Variants in PITPNC1 observed in about 807,000 individuals in gnomAD.
PITPNC1 encodes the protein phosphatidylinositol transfer protein cytoplasmic 1, also known as cytoplasmic phosphatidylinositol transfer protein 1.
PITPNC1 carries 18 observed loss-of-function variants against 44.7 expected under a neutral mutation model. The observed-to-expected ratio is 0.40, with a 90% CI of 0.28 to 0.60. PITPNC1 has a LOEUF of 0.60. Among genes scored for constraint, PITPNC1 ranks in the 20% least tolerant of loss-of-function variants. The pLI is 0.39. For missense variants in PITPNC1, 290 were observed against 418.4 expected (o/e 0.69, Z 2.68); for synonymous variants, 141 against 149.6 (o/e 0.94, Z 0.42).
At chr17:67,423,045 T>C (rs997813246) in intron 1 of PITPNC1, among the ~76,000 whole-genome samples, 1 of 152,106 alleles carries the variant, frequency 6.6e-6, no homozygotes, top group African/African-American at 2.4e-5. Flanking sequence ...TGTGTTTTAA[T>C]TGCATTACGG....
intron 8 of PITPNC1, among the ~76,000 whole-genome samples, chr17:67,691,462 C>A (rs2042925934): frequency 1.3e-5 from 2 of 152,040 alleles, no homozygotes; most frequent in African/African-American, 4.8e-5. Flanking sequence ...TAAATAGAAT[C>A]CTCACTATTA....
At chr17:67,397,570 A>G (rs2038238460) in intron 1 of PITPNC1, among the ~76,000 whole-genome samples, 1 of 152,270 alleles carries the variant, frequency 6.6e-6, no homozygotes, top group African/African-American at 2.4e-5. Flanking sequence ...GCTGGAGTCC[A>G]GGCTTATGTT....
At chr17:67,440,550 G>A (rs902505979) in intron 1 of PITPNC1, among the ~76,000 whole-genome samples, 2 of 144,088 alleles carry the variant, frequency 1.4e-5, no homozygotes, top group Non-Finnish European at 3.0e-5. Context: ...TTATTTATTT[G>A]AGACAGGGTC....
At chr17:67,434,273 C>G (rs559792856) in intron 1 of PITPNC1, among the ~76,000 whole-genome samples, 1 of 152,290 alleles carries the variant, frequency 6.6e-6, no homozygotes, top group African/African-American at 2.4e-5. Flanking sequence ...CACAAGATTA[C>G]CAGAAACTAC....
At chr17:67,476,445 C>T (rs2039630756) in intron 1 of PITPNC1, among the ~76,000 whole-genome samples, 1 of 151,920 alleles carries the variant, frequency 6.6e-6, no homozygotes, top group Admixed American at 6.6e-5. Flanking sequence ...CCTTGGCCTC[C>T]CAAAGTGCTG....
chr17:67,574,792 A>T lies in PITPNC1; in HGVS notation c.295-3394A>T, dbSNP rs138406732. ...ACGAGTCATCAGACATCCCAAGGGGATTATCAGCCCCAACCACCTGCCGAA... is the reference window on the plus strand; with the variant it reads ...ACGAGTCATCAGACATCCCAAGGGGTTTATCAGCCCCAACCACCTGCCGAA... On this transcript the variant is annotated intron_variant, in intron 4 of 8. Coordinates refer to ENST00000581322, the MANE Select transcript of PITPNC1 (RefSeq NM_012417.4). 2.4e-3 allele frequency among the ~76,000 whole-genome samples: 359 copies of T among 152,068 alleles called. 2 individuals are homozygous for T. Among genetic ancestry groups the T allele is most frequent in the African/African-American group, 8.4e-3 (349 of 41,446 alleles).
chr17:67,421,727 T>C (rs866223784), intron 1 of PITPNC1, among the ~76,000 whole-genome samples: 1 of 152,224 alleles, frequency 6.6e-6, no homozygotes, highest in Admixed American at 6.5e-5. Context: ...CTCATTCTTG[T>C]GTGGTCATAG....
chr17:67,465,542 C>A (rs959597497), intron 1 of PITPNC1, among the ~76,000 whole-genome samples: 3 of 152,128 alleles, frequency 2.0e-5, no homozygotes, highest in Admixed American at 6.5e-5. Flanking sequence ...CAGGAACTAG[C>A]AAAATCAGCT....
intron 1 of PITPNC1, among the ~76,000 whole-genome samples, chr17:67,407,648 C>T (rs942902624): frequency 2.0e-5 from 3 of 151,854 alleles, no homozygotes; most frequent in African/African-American, 7.3e-5. Context: ...ACTAAAAATA[C>T]AAGATTAGCT....
At chr17:67,586,657 C>T (rs1167161380) in intron 5 of PITPNC1, among the ~76,000 whole-genome samples, 1 of 152,106 alleles carries the variant, frequency 6.6e-6, no homozygotes, top group Non-Finnish European at 1.5e-5. Flanking sequence ...CAAATACCCT[C>T]TACCCAGTTT....
chr17:67,660,862 C>CTTTT (rs141244732), intron 6 of PITPNC1, among the ~76,000 whole-genome samples: 1 of 111,838 alleles, frequency 8.9e-6, no homozygotes, highest in Non-Finnish European at 1.9e-5. Flanking sequence ...ATCACATTCT[C>CTTTT]TTTTTTTTTT....
intron 1 of PITPNC1, among the ~76,000 whole-genome samples, chr17:67,451,178 C>G (rs1240721497): frequency 6.6e-6 from 1 of 151,912 alleles, no homozygotes; most frequent in East Asian, 1.9e-4. Context: ...ACTACACGCG[C>G]GCGCCATCAC....
At chr17:67,390,628 G>C (rs1174349078) in intron 1 of PITPNC1, among the ~76,000 whole-genome samples, 1 of 152,182 alleles carries the variant, frequency 6.6e-6, no homozygotes, top group Non-Finnish European at 1.5e-5. Context: ...TATTCTAAGG[G>C]TGGCTAACTG....
At position 67,527,922 on chromosome 17, in the gene PITPNC1, G is replaced by A. The variant is rs149521278; in HGVS notation, c.49-4880G>A. ...GGGCTGAGGCAGGAGGATTGCTTGA[G>A]CCCAGGAAGTCGAGGCTGAGGTGAG... is the stretch of plus-strand genomic sequence containing the variant. On this transcript the variant is annotated intron_variant, in intron 1 of 8. Coordinates refer to ENST00000581322, the MANE Select transcript of PITPNC1 (RefSeq NM_012417.4). Among the ~76,000 whole-genome samples, 1,195 of 152,284 alleles carry A rather than the reference G, an allele frequency of 7.8e-3. 13 individuals are homozygous for A. The highest frequency in any genetic ancestry group is 0.027 in the African/African-American group (1,119 of 41,574).
chr17:67,476,471 C>T (rs974864985), intron 1 of PITPNC1, among the ~76,000 whole-genome samples: 1 of 151,832 alleles, frequency 6.6e-6, no homozygotes, highest in African/African-American at 2.4e-5. Context: ...AAGGTGTTAC[C>T]CACCACGCCC....
chr17:67,612,728 TC>T (rs1469019025), intron 5 of PITPNC1: 1 of 150,256 alleles, frequency 6.7e-6, no homozygotes, highest in African/African-American at 2.5e-5. Context: ...GATGGATGGA[TC>T]AATGGGTGGA....
At chr17:67,604,530 C>T (rs1025169159) in intron 5 of PITPNC1, among the ~76,000 whole-genome samples, 2 of 152,226 alleles carry the variant, frequency 1.3e-5, no homozygotes, top group African/African-American at 4.8e-5. Context: ...CGCCTGTAAT[C>T]CCAACACTTT....
Position 67,564,161 on chromosome 17 carries a change from GTGGATGGATGGA to G in PITPNC1, c.294+10575_294+10586del, listed in dbSNP as rs113903369. The stretch of plus-strand genomic sequence containing the variant: ...AAGATAGATTAGATAGGTAGATTGG[GTGGATGGATGGA>G]TGGATGGATGGATGGATGGATGGAT... On this transcript the variant is annotated intron_variant, in intron 4 of 8. Transcript: ENST00000581322. Among the ~76,000 whole-genome samples, 31 of 148,554 alleles carry G rather than the reference GTGGATGGATGGA, an allele frequency of 2.1e-4. No homozygotes were observed. In the South Asian group the frequency reaches 2.2e-3, roughly 10 times the overall value.
chr17:67,578,283 C>G (rs147251366), intron 5 of PITPNC1, 26 bp downstream of exon 5: 1 of 1,512,248 alleles, frequency 6.6e-7, no homozygotes, highest in East Asian at 2.3e-5. Context: ...TTCCATGCTG[C>G]GCTCGCCTCG....
Sources: allele counts gnomAD v4.1 joint callset (sites outside exome capture counted in the v4.1 genomes callset), GRCh38; gene constraint gnomAD v4.1.1; transcripts MANE v1.5; gene names NCBI Gene and HGNC (gene_info 2026-07-23, HGNC 2026-07-21).